RBFOX1: variants seen among roughly 807,000 people sequenced by gnomAD.
RBFOX1 encodes the protein RNA binding fox-1 homolog 1.
RBFOX1 carries 8 observed loss-of-function variants against 57.7 expected under a neutral mutation model. That is an observed-to-expected ratio of 0.14 (90% CI 0.08 to 0.25). RBFOX1 has a LOEUF of 0.25. RBFOX1 is among the 10% of genes least tolerant of loss of function. The pLI is 1.00. For synonymous variants in RBFOX1, 326 were observed against 222.4 expected (o/e 1.47, Z -4.15); for missense variants, 611 against 548.5 (o/e 1.11, Z -1.14).
At chr16:6,058,987 G>GA (rs2095651611) in intron 1 of RBFOX1, among the ~76,000 whole-genome samples, 1 of 152,154 alleles carries the variant, frequency 6.6e-6, no homozygotes, top group Admixed American at 6.5e-5. Context: ...TCTGTAGCTG[G>GA]AAAACCAAGA....
chr16:6,665,383 G>A (rs1441889137), intron 3 of RBFOX1, among the ~76,000 whole-genome samples: 1 of 152,296 alleles, frequency 6.6e-6, no homozygotes, highest in African/African-American at 2.4e-5. Flanking sequence ...GGAGGCCCAG[G>A]TGGGTGGATT....
intron 1 of RBFOX1, among the ~76,000 whole-genome samples, chr16:6,155,158 G>A (rs1291923925): frequency 6.6e-6 from 1 of 152,110 alleles, no homozygotes; most frequent in Non-Finnish European, 1.5e-5. Flanking sequence ...ATTTTAAAAA[G>A]GAAAAAGTAG....
rs541500667 is a variant in RBFOX1 at position 5,347,903 on chromosome 16, C to A, written c.219+107798C>A. On this transcript the variant is annotated intron_variant, in intron 1 of 2. Coordinates refer to the RBFOX1 transcript ENST00000585867. ...TCACCCACCCATTCATCCTCCCATC[C>A]ACCCCCTCCCCCCCATCAACCCATC... Among the ~76,000 whole-genome samples, 16 of 147,512 alleles carry A rather than the reference C, an allele frequency of 1.1e-4. 1 individual carries two copies. The South Asian group carries it at 3.5e-3, about 33-fold the overall frequency.
chr16:7,238,178 C>A (rs1024051191), intron 4 of RBFOX1, among the ~76,000 whole-genome samples: 12 of 152,052 alleles, frequency 7.9e-5, no homozygotes. Flanking sequence ...TTACCAAGGG[C>A]TGGGAGAAAA....
chr16:6,657,936 T>C (rs796564804), intron 3 of RBFOX1, among the ~76,000 whole-genome samples: 22 of 152,288 alleles, frequency 1.4e-4, no homozygotes, highest in African/African-American at 5.3e-4. Flanking sequence ...TTTATTTTTC[T>C]TTCACCTCCC....
intron 4 of RBFOX1, among the ~76,000 whole-genome samples, chr16:7,246,544 C>T (rs1200686758): frequency 2.6e-5 from 4 of 151,934 alleles, no homozygotes; most frequent in African/African-American, 7.3e-5. Context: ...TGGTGGCATC[C>T]TTCCTTTTCC....
intron 4 of RBFOX1, among the ~76,000 whole-genome samples, chr16:7,201,962 G>A (rs929525934): frequency 2.0e-5 from 3 of 152,148 alleles, no homozygotes; most frequent in Non-Finnish European, 4.4e-5. Flanking sequence ...CAGAAGTTTG[G>A]GAAGCCAATT....
At chr16:6,641,778 A>AAAAAAAAC (rs1568006199) in intron 2 of RBFOX1, among the ~76,000 whole-genome samples, 1 of 31,786 alleles carries the variant, frequency 3.1e-5, no homozygotes, top group Non-Finnish European at 5.8e-5. Context: ...AAAAAAAAAA[A>AAAAAAAAC]TAGGTTCTGC....
chr16:6,922,595 A>G (rs2074718892), intron 3 of RBFOX1, among the ~76,000 whole-genome samples: 1 of 152,152 alleles, frequency 6.6e-6, no homozygotes, highest in African/African-American at 2.4e-5. Context: ...GAATAAATGA[A>G]CATGTGATTC....
At chr16:6,672,106 C>G (rs923637004) in intron 3 of RBFOX1, among the ~76,000 whole-genome samples, 1 of 152,204 alleles carries the variant, frequency 6.6e-6, no homozygotes, top group African/African-American at 2.4e-5. Context: ...GTAGGTCCAT[C>G]TCACCTAATT....
intron 11 of RBFOX1, among the ~76,000 whole-genome samples, chr16:7,646,093 C>T (rs569178489): frequency 2.0e-5 from 3 of 152,082 alleles, no homozygotes; most frequent in Admixed American, 6.5e-5. Context: ...AGAGAGTGAC[C>T]TAGTTGTCTG....
chr16:5,634,689 AG>A (rs2048626266), intron 3 of RBFOX1, among the ~76,000 whole-genome samples: 1 of 152,198 alleles, frequency 6.6e-6, no homozygotes, highest in African/African-American at 2.4e-5. Flanking sequence ...TGCAGGAGGC[AG>A]CAAATTGGGA....
chr16:7,381,200 C>G (rs1300305589), intron 4 of RBFOX1, among the ~76,000 whole-genome samples: 22 of 152,178 alleles, frequency 1.4e-4, no homozygotes, highest in Admixed American at 1.4e-3. Context: ...CATCTCAGGG[C>G]TTCCATCAAA....
intron 3 of RBFOX1, among the ~76,000 whole-genome samples, chr16:6,977,189 C>T (rs975131417): frequency 8.3e-5 from 12 of 144,610 alleles, no homozygotes; most frequent in African/African-American, 3.0e-4. Context: ...TCATATATAT[C>T]ACATATATAT....
intron 3 of RBFOX1, among the ~76,000 whole-genome samples, chr16:6,951,260 A>G (rs1305510199): frequency 6.6e-6 from 1 of 152,078 alleles, no homozygotes; most frequent in African/African-American, 2.4e-5. Context: ...AAGAAACGTA[A>G]TAGAGTCACC....
intron 4 of RBFOX1, among the ~76,000 whole-genome samples, chr16:7,209,219 C>A (rs1033795038): frequency 2.0e-5 from 3 of 151,418 alleles, no homozygotes; most frequent in African/African-American, 2.4e-5. Context: ...CATGTAATGC[C>A]AGCTACTTGG....
At chr16:6,762,123 G>A (rs2076695676) in intron 3 of RBFOX1, among the ~76,000 whole-genome samples, 1 of 152,118 alleles carries the variant, frequency 6.6e-6, no homozygotes, top group South Asian at 2.1e-4. Context: ...AATTAGCTTA[G>A]TTTTCTGCTA....
At chr16:6,060,653 C>A (rs2095673659) in intron 1 of RBFOX1, among the ~76,000 whole-genome samples, 1 of 152,174 alleles carries the variant, frequency 6.6e-6, no homozygotes, top group Non-Finnish European at 1.5e-5. Context: ...CCTTTGGCTG[C>A]AAGTAACTTC....
intron 4 of RBFOX1, among the ~76,000 whole-genome samples, chr16:7,275,370 T>C (rs1482362557): frequency 6.6e-6 from 1 of 152,240 alleles, no homozygotes; most frequent in Non-Finnish European, 1.5e-5. Context: ...TTTAGACATG[T>C]GTGTTGCTTC....
Sources: gnomAD v4.1 joint callset for allele counts (sites outside exome capture counted in the v4.1 genomes callset) on GRCh38, gnomAD v4.1.1 for gene constraint, MANE v1.5 for transcripts, NCBI Gene and HGNC (gene_info 2026-07-23, HGNC 2026-07-21) for gene names.